The following ADAM10 variants were observed in gnomAD, a reference collection of about 807,000 sequenced individuals.
The protein encoded by ADAM10 is ADAM metallopeptidase domain 10, also known as disintegrin and metalloproteinase domain-containing protein 10.
Under a neutral mutation model 90.1 loss-of-function variants are expected in ADAM10, and 17 were observed. That is an observed-to-expected ratio of 0.19 (90% confidence interval 0.13 to 0.28). The LOEUF is 0.28. ADAM10 is among the 10% of genes least tolerant of loss of function. The probability of loss-of-function intolerance (pLI) is 1.00; values close to 1 mark genes in which losing one functional copy is unlikely to be tolerated. For missense variants in ADAM10, 610 were observed against 914.3 expected, an observed-to-expected ratio of 0.67 and a Z score of 4.29; for synonymous variants, 310 against 298.6, an observed-to-expected ratio of 1.04 and a Z score of -0.40.
At position 58,646,198 on chromosome 15, in the gene ADAM10, G is replaced by T; in HGVS notation, c.592C>A (p.Gln198Lys). The stretch of plus-strand genomic sequence containing the variant: ...GGACCATTAGCAGCATGTTCTTCTT[G>T]AGGTATCTATACATCAAAAAGTCAT... ...TGVEEVTQIP[Q>K]EEHAANGPEL... The change falls in exon 6 of 16, where the codon CAA becomes AAA. Residue 198 changes from glutamine to lysine, a missense_variant. Physicochemically the swap from Gln to Lys is moderately conservative, Grantham distance 53 (BLOSUM62 1). Coordinates refer to ENST00000260408, the MANE Select transcript of ADAM10 (RefSeq NM_001110.4). The T allele has an allele frequency of 6.2e-7, 1 of 1,612,292 alleles. No individual in the cohort carries two copies. Among genetic ancestry groups the T allele is most frequent in the Non-Finnish European group, 8.5e-7 (1 of 1,179,656 alleles).
intron 2 of ADAM10, chr15:58,692,020 C>T (rs1463807109): frequency 1.1e-5 from 5 of 459,584 alleles, no homozygotes; most frequent in Admixed American, 9.6e-5. Context: ...CAAGATTTTG[C>T]TCTGCTGGAG....
intron 14 of ADAM10, among the ~76,000 whole-genome samples, chr15:58,602,610 A>C (rs1037088832): frequency 1.6e-4 from 24 of 152,236 alleles, no homozygotes; most frequent in African/African-American, 5.5e-4. Flanking sequence ...ATATATACAT[A>C]CGTACATATA....
At chr15:58,662,015 G>A (rs1321359835) in intron 5 of ADAM10, among the ~76,000 whole-genome samples, 21 of 152,056 alleles carry the variant, frequency 1.4e-4, no homozygotes, top group African/African-American at 5.1e-4. Context: ...GTCCTTGCCT[G>A]TTAACATCTG....
intron 5 of ADAM10, among the ~76,000 whole-genome samples, chr15:58,650,766 T>C (rs1896664892): frequency 6.6e-6 from 1 of 152,164 alleles, no homozygotes; most frequent in Admixed American, 6.5e-5. Context: ...TATATGGAAA[T>C]ATACATACAC....
chr15:58,729,891 G>T (rs1014317546), intron 1 of ADAM10, among the ~76,000 whole-genome samples: 1 of 151,854 alleles, frequency 6.6e-6, no homozygotes, highest in East Asian at 1.9e-4. Flanking sequence ...GAACCCAGGA[G>T]GCGGAGGCTG....
intron 5 of ADAM10, among the ~76,000 whole-genome samples, chr15:58,660,608 T>C (rs2114573): frequency 0.17 from 26,517 of 152,230 alleles, 2,716 homozygotes; most frequent in East Asian, 0.44. Context: ...TCAATATGGT[T>C]AGATTTAAAC....
At chr15:58,705,177 T>A (rs1209157368) in intron 2 of ADAM10, among the ~76,000 whole-genome samples, 1 of 152,182 alleles carries the variant, frequency 6.6e-6, no homozygotes, top group African/African-American at 2.4e-5. Context: ...TTCAGCAAGT[T>A]TAGTTTTTAT....
At chr15:58,698,433 C>T in intron 2 of ADAM10, 1 of 320,178 alleles carries the variant, frequency 3.1e-6, no homozygotes, top group South Asian at 2.5e-5. Flanking sequence ...AAAATTAGCC[C>T]AGCATATTGG....
chr15:58,624,522 CAAT>C (rs1224589619), intron 10 of ADAM10, among the ~76,000 whole-genome samples: 4 of 152,072 alleles, frequency 2.6e-5, no homozygotes, highest in African/African-American at 7.2e-5. Flanking sequence ...GTTTAAACAA[CAAT>C]GAGGTACTGT....
intron 1 of ADAM10, chr15:58,733,025 C>T (rs1167881894): frequency 6.6e-6 from 1 of 152,306 alleles, no homozygotes; most frequent in African/African-American, 2.4e-5. Context: ...TTGCTTGGCA[C>T]ATGAAAGTTC....
intron 1 of ADAM10, chr15:58,747,993 G>A (rs1899845964): frequency 6.6e-6 from 1 of 152,184 alleles, no homozygotes; most frequent in Admixed American, 6.5e-5. Context: ...TTTGTTGAAA[G>A]CCACGTTTAG....
intron 11 of ADAM10, among the ~76,000 whole-genome samples, chr15:58,619,772 C>T (rs909609998): frequency 5.9e-5 from 9 of 151,912 alleles, no homozygotes; most frequent in Non-Finnish European, 8.8e-5. Flanking sequence ...GGCGTGGTGG[C>T]GGGCGCCTGT....
At chr15:58,712,966 C>A (rs182711252) in intron 2 of ADAM10, among the ~76,000 whole-genome samples, 3 of 152,314 alleles carry the variant, frequency 2.0e-5, no homozygotes, top group East Asian at 1.9e-4. Flanking sequence ...GAACAAAAAT[C>A]CTGCATCCCA....
chr15:58,619,114 C>T (rs1317189198), intron 11 of ADAM10, among the ~76,000 whole-genome samples: 1 of 151,628 alleles, frequency 6.6e-6, no homozygotes, highest in Admixed American at 6.6e-5. Flanking sequence ...CACCAAGAGA[C>T]AAATGGATAA....
At chr15:58,728,694 T>C (rs986963278) in intron 1 of ADAM10, among the ~76,000 whole-genome samples, 15 of 152,188 alleles carry the variant, frequency 9.9e-5, no homozygotes, top group Non-Finnish European at 1.9e-4. Flanking sequence ...ACAAAAGTTA[T>C]AAAATTTCCC....
chr15:58,622,629 CTTCTGTA>C (rs1316983900), intron 10 of ADAM10, among the ~76,000 whole-genome samples: 2 of 152,144 alleles, frequency 1.3e-5, no homozygotes, highest in Non-Finnish European at 2.9e-5. Flanking sequence ...TTATTTATAT[CTTCTGTA>C]TTCTCACAGA....
chr15:58,647,255 T>TTTTTTTTTTTTTTTTTTG (rs1896574284), intron 5 of ADAM10, among the ~76,000 whole-genome samples: 1 of 91,100 alleles, frequency 1.1e-5, no homozygotes, highest in Non-Finnish European at 2.3e-5. Context: ...AGTATTTTTT[T>TTTTTTTTTTTTTTTTTTG]TTTTTTTTTT....
intron 2 of ADAM10, among the ~76,000 whole-genome samples, chr15:58,705,934 C>A (rs1428409642): frequency 3.3e-5 from 5 of 152,122 alleles, no homozygotes; most frequent in African/African-American, 1.2e-4. Context: ...AATTTGTAAA[C>A]TGACCTTTAT....
chr15:58,688,786 A>ATATATATATATATCTCTC lies in ADAM10; in HGVS notation c.207-6473_207-6472insGAGAGATATATATATATA. ...AAAAATTATATATATATATATATAT[A>ATATATATATATATCTCTC]TCTCTCTCTCTCACTGGACTGACTT... On this transcript the variant is annotated intron_variant, in intron 2 of 15. Transcript: ENST00000260408. 2.6e-3 allele frequency among the ~76,000 whole-genome samples: 319 copies of ATATATATATATATCTCTC among 122,334 alleles called. 2 individuals carry two copies. The highest frequency in any genetic ancestry group is 0.019 in the Middle Eastern group (5 of 260). The allele number at this position is 122,334 out of a possible 152,430, so 80.3% of individuals were successfully genotyped here.
Sources: gnomAD v4.1 joint callset for allele counts (sites outside exome capture counted in the v4.1 genomes callset) on GRCh38, gnomAD v4.1.1 for gene constraint, MANE v1.5 for transcripts, NCBI Gene and HGNC (gene_info 2026-07-23, HGNC 2026-07-21) for gene names.